The following SHANK2 variants were observed in gnomAD, a reference collection of about 807,000 sequenced individuals.
SHANK2 encodes the protein SH3 and multiple ankyrin repeat domains protein 2.
A neutral mutation model predicts 133.7 loss-of-function variants in SHANK2; 43 were observed. The ratio of observed to expected loss-of-function variants is 0.32; its 90% CI spans 0.25 to 0.41. The LOEUF (loss-of-function observed/expected upper bound fraction) is 0.41. Ranked by LOEUF, SHANK2 falls within the 10% of genes least tolerant of loss-of-function variation. The probability of loss-of-function intolerance (pLI) is 1.00; values close to 1 mark genes in which losing one functional copy is unlikely to be tolerated. For missense variants in SHANK2, 1,994 were observed against 2,235.8 expected (o/e 0.89, Z 2.18); for synonymous variants, 1,017 against 952.8 (o/e 1.07, Z -1.24).
intron 3 of SHANK2, among the ~76,000 whole-genome samples, chr11:71,143,009 G>A (rs1555106055): frequency 6.6e-6 from 1 of 152,166 alleles, no homozygotes; most frequent in African/African-American, 2.4e-5. Context: ...CGAGGCAGGT[G>A]GTTCACCTGA....
chr11:71,058,817 C>A (rs2135926422), intron 9 of SHANK2, among the ~76,000 whole-genome samples: 1 of 152,388 alleles, frequency 6.6e-6, no homozygotes, highest in African/African-American at 2.4e-5. Context: ...AGGTCAGAGA[C>A]CCCAGCCCGG....
chr11:70,901,148 C>CTCCA (rs1555076665), intron 10 of SHANK2, among the ~76,000 whole-genome samples: 1 of 152,152 alleles, frequency 6.6e-6, no homozygotes, highest in African/African-American at 2.4e-5. Context: ...AAGGAACGGG[C>CTCCA]TCCACATCAC....
At chr11:70,478,457 T>C (rs1258696995) in intron 25 of SHANK2, among the ~76,000 whole-genome samples, 1 of 152,236 alleles carries the variant, frequency 6.6e-6, no homozygotes, top group African/African-American at 2.4e-5. Flanking sequence ...CGCACGCCTC[T>C]GCATTTTAGT....
At chr11:70,525,317 G>A (rs1554971920) in intron 17 of SHANK2, among the ~76,000 whole-genome samples, 1 of 152,204 alleles carries the variant, frequency 6.6e-6, no homozygotes, top group African/African-American at 2.4e-5. Context: ...TGTTAGCTTT[G>A]TGTACCAGTC....
chr11:70,746,416 G>A (rs1298264115), intron 14 of SHANK2, among the ~76,000 whole-genome samples: 1 of 148,506 alleles, frequency 6.7e-6, no homozygotes, highest in Non-Finnish European at 1.5e-5. Flanking sequence ...GGTGCCCCAT[G>A]CTCACAGCCC....
At chr11:70,591,049 A>G (rs1554987933) in intron 17 of SHANK2, among the ~76,000 whole-genome samples, 1 of 152,232 alleles carries the variant, frequency 6.6e-6, no homozygotes, top group East Asian at 1.9e-4. Flanking sequence ...GGTCAGAAAA[A>G]GGAAGGTAGA....
At chr11:70,803,845 T>C (rs547827408) in intron 13 of SHANK2, among the ~76,000 whole-genome samples, 1 of 150,676 alleles carries the variant, frequency 6.6e-6, no homozygotes, top group East Asian at 2.0e-4. Flanking sequence ...AGTGGGGGAA[T>C]CGGAACATGT....
At chr11:70,709,239 A>G (rs191183777) in intron 14 of SHANK2, among the ~76,000 whole-genome samples, 18 of 152,314 alleles carry the variant, frequency 1.2e-4, no homozygotes, top group Non-Finnish European at 1.9e-4. Flanking sequence ...ACATACTAAG[A>G]ATTCCGATGT....
At chr11:70,925,443 C>A (rs2135778799) in intron 10 of SHANK2, among the ~76,000 whole-genome samples, 1 of 152,276 alleles carries the variant, frequency 6.6e-6, no homozygotes, top group Non-Finnish European at 1.5e-5. Flanking sequence ...CATGTCTCTT[C>A]CAGTGCCTGG....
intron 17 of SHANK2, among the ~76,000 whole-genome samples, chr11:70,630,125 C>T (rs2060963015): frequency 6.6e-6 from 1 of 152,218 alleles, no homozygotes; most frequent in Non-Finnish European, 1.5e-5. Context: ...TTGCCCTATG[C>T]TAGAAGGTTC....
intron 8 of SHANK2, among the ~76,000 whole-genome samples, chr11:71,089,240 G>A (rs1000617093): frequency 6.6e-6 from 1 of 152,106 alleles, no homozygotes; most frequent in African/African-American, 2.4e-5. Flanking sequence ...ATGCAGACGG[G>A]CTTGGCCTCA....
At chr11:70,883,874 G>C (rs1423562051) in intron 11 of SHANK2, among the ~76,000 whole-genome samples, 5 of 152,212 alleles carry the variant, frequency 3.3e-5, no homozygotes, top group Admixed American at 3.3e-4. Flanking sequence ...CCTTACAAGA[G>C]GGGACCAGGA....
rs1404113271 is a variant in SHANK2 at position 70,560,866 on chromosome 11, A to T, written c.2062-57935T>A. ...AGGCTGGTCTCAAACTCCTCAAGTG[A>T]TTCGCCTGCCTCGGCCTCCCAAAGT... is the stretch of plus-strand genomic sequence containing the variant. On this transcript the variant is annotated intron_variant, in intron 17 of 25. Coordinates refer to ENST00000601538, the MANE Select transcript of SHANK2 (RefSeq NM_012309.5). 2.0e-5 allele frequency among the ~76,000 whole-genome samples: 3 copies of T among 152,128 alleles called. No individual in the cohort carries two copies. The East Asian group carries it at 5.8e-4, about 29-fold the overall frequency.
chr11:71,133,610 G>C (rs1952378665), intron 3 of SHANK2, among the ~76,000 whole-genome samples: 2 of 152,096 alleles, frequency 1.3e-5, no homozygotes, highest in African/African-American at 4.8e-5. Flanking sequence ...TGGGTGGGTA[G>C]GTGGGTGGAA....
rs555346765 is a variant in SHANK2, at chr11:70,535,470, C to T, written c.2062-32539G>A. On this transcript the variant is annotated intron_variant, in intron 17 of 25. Coordinates refer to ENST00000601538, the MANE Select transcript of SHANK2 (RefSeq NM_012309.5). The surrounding 1 kb of genome is among the most constrained non-coding windows in gnomAD (Gnocchi z 4.3). ...TCAGTCCAACCATCAGTCCGTCCGT[C>T]CATCCATCCATCCATCCATCCATCC... is the stretch of plus-strand genomic sequence containing the variant. Among the ~76,000 whole-genome samples, 259 of 151,730 alleles carry T rather than the reference C, an allele frequency of 1.7e-3. 3 individuals carry two copies. Among genetic ancestry groups the T allele is most frequent in the Non-Finnish European group, 8.1e-4 (55 of 67,932 alleles).
chr11:70,870,477 A>C (rs1949441832), intron 11 of SHANK2, among the ~76,000 whole-genome samples: 1 of 152,136 alleles, frequency 6.6e-6, no homozygotes, highest in African/African-American at 2.4e-5. Context: ...GCTGGCCAGG[A>C]AAGATGGGGT....
At chr11:70,892,453 G>T (rs1949861788) in intron 11 of SHANK2, among the ~76,000 whole-genome samples, 1 of 152,086 alleles carries the variant, frequency 6.6e-6, no homozygotes, top group South Asian at 2.1e-4. Context: ...CCTCTATGAA[G>T]CCTCCCCAGC....
intron 2 of SHANK2, among the ~76,000 whole-genome samples, chr11:71,202,203 C>T (rs914901581): frequency 2.6e-5 from 4 of 152,224 alleles, no homozygotes; most frequent in Non-Finnish European, 4.4e-5. Flanking sequence ...ACCCTTCTGC[C>T]GGGTGGCAGC....
At chr11:70,840,418 G>A (rs2921342) in intron 11 of SHANK2, among the ~76,000 whole-genome samples, 91,868 of 152,040 alleles carry the variant, frequency 0.6, 28,171 homozygotes, top group South Asian at 0.74. Context: ...TCAAAAGGAG[G>A]CTAGAATGCA....
Sources: gnomAD v4.1 joint callset for allele counts (sites outside exome capture counted in the v4.1 genomes callset) on GRCh38, gnomAD v4.1.1 for gene constraint, Gnocchi (gnomAD v3.1) non-coding constraint, MANE v1.5 for transcripts, NCBI Gene and HGNC (gene_info 2026-07-23, HGNC 2026-07-21) for gene names.